Variants in TRIM24 observed in about 807,000 individuals in gnomAD.
The protein encoded by TRIM24 is transcription intermediary factor 1-alpha.
Under a neutral mutation model 123.9 loss-of-function variants are expected in TRIM24, and 29 were observed. The ratio of observed to expected loss-of-function variants is 0.23; its 90% CI spans 0.17 to 0.32. The LOEUF (loss-of-function observed/expected upper bound fraction) is 0.32. Among genes scored for constraint, TRIM24 ranks in the 10% least tolerant of loss-of-function variants. The pLI, the probability that TRIM24 is intolerant of heterozygous loss-of-function variation, is 1.00. For synonymous variants in TRIM24, 456 were observed against 461.1 expected (o/e 0.99, Z 0.14); for missense variants, 932 against 1,295.3 (o/e 0.72, Z 4.31).
rs1331025408 is a variant in TRIM24, at chr7:138,589,051, T to C, written c.*4100T>C. 6.6e-6 allele frequency: 1 copy of C among 152,248 alleles called. No individual in the cohort carries two copies. The highest frequency in any genetic ancestry group is 1.5e-5 in the Non-Finnish European group (1 of 68,068). The allele number at this position is 152,248 out of a possible 1,614,324, so 9.4% of individuals were successfully genotyped here. On this transcript the variant is annotated 3_prime_UTR_variant, in exon 19 of 19. Transcript: ENST00000343526. ...GTGACCATGCGTTCAACCATATAAT[T>C]TCTTACTGAAATTGAGCTCCTCCTT...
intron 1 of TRIM24, among the ~76,000 whole-genome samples, chr7:138,481,942 C>A (rs1052828912): frequency 6.6e-6 from 1 of 152,078 alleles, no homozygotes; most frequent in Non-Finnish European, 1.5e-5. Context: ...CACTTTCTAC[C>A]TGCTATCCAA....
intron 5 of TRIM24, among the ~76,000 whole-genome samples, chr7:138,525,602 T>C (rs899335651): frequency 2.0e-5 from 3 of 152,220 alleles, no homozygotes; most frequent in Non-Finnish European, 2.9e-5. Flanking sequence ...TGATAACTTA[T>C]TATCACTTAT....
intron 8 of TRIM24, among the ~76,000 whole-genome samples, chr7:138,551,821 T>C (rs1425327854): frequency 6.6e-6 from 1 of 152,206 alleles, no homozygotes; most frequent in Non-Finnish European, 1.5e-5. Flanking sequence ...TCTTTACAAC[T>C]ATTCAATAGG....
intron 4 of TRIM24, among the ~76,000 whole-genome samples, chr7:138,522,161 A>G (rs1421176513): frequency 7.9e-5 from 12 of 152,046 alleles, no homozygotes; most frequent in Non-Finnish European, 1.0e-4. Context: ...CAAGCAGACT[A>G]AAAAATCAGT....
At chr7:138,481,903 A>T (rs557856710) in intron 1 of TRIM24, among the ~76,000 whole-genome samples, 6 of 152,240 alleles carry the variant, frequency 3.9e-5, no homozygotes, top group African/African-American at 1.4e-4. Flanking sequence ...CAGTTGATTT[A>T]TGTGTATGGT....
chr7:138,564,017 T>G (rs1217389910), intron 9 of TRIM24, among the ~76,000 whole-genome samples: 2 of 152,186 alleles, frequency 1.3e-5, no homozygotes, highest in Non-Finnish European at 2.9e-5. Context: ...CTCCTCAGTG[T>G]TAAACAGTGT....
intron 9 of TRIM24, among the ~76,000 whole-genome samples, chr7:138,560,750 C>T (rs933051161): frequency 1.5e-4 from 23 of 152,198 alleles, no homozygotes; most frequent in African/African-American, 4.8e-4. Flanking sequence ...TTTCCACCAT[C>T]GTTCTTCAAT....
At chr7:138,509,910 A>C (rs533925349) in intron 2 of TRIM24, among the ~76,000 whole-genome samples, 1 of 152,210 alleles carries the variant, frequency 6.6e-6, no homozygotes. Context: ...ACACCTGAGA[A>C]GGAAGTGCAT....
At chr7:138,521,432 T>G (rs1455366625) in intron 4 of TRIM24, among the ~76,000 whole-genome samples, 1 of 152,144 alleles carries the variant, frequency 6.6e-6, no homozygotes, top group Non-Finnish European at 1.5e-5. Context: ...TCTTGTAATG[T>G]CTAGAGTAGT....
intron 5 of TRIM24, among the ~76,000 whole-genome samples, chr7:138,528,783 ACCC>A (rs202047925): frequency 0.027 from 2,192 of 80,492 alleles, 79 homozygotes; most frequent in African/African-American, 0.088. Flanking sequence ...GTCCACCCCC[ACCC>A]CCCCCCCCAT....
Position 138,584,934 on chromosome 7 carries a change from C to T in TRIM24, c.3136C>T (p.Arg1046Cys), listed in dbSNP as rs769470209. 22 of 1,608,856 alleles carry T rather than the reference C, an allele frequency of 1.4e-5. No individual in the cohort carries two copies. The highest frequency in any genetic ancestry group is 1.8e-5 in the Non-Finnish European group (21 of 1,178,662). Residue 1046 changes from arginine to cysteine, a missense_variant, in exon 19 of 19, where the codon CGC becomes TGC. Physicochemically the swap from Arg to Cys is radical, Grantham distance 180. Coordinates refer to ENST00000343526, the MANE Select transcript of TRIM24 (RefSeq NM_015905.3). ...GAAACGCCTCAAAAGCATTGAAGAA[C>T]GCCAGTTGCTTAAATAATATGCAGC... Reference protein sequence around the residue: ...RKKRLKSIEERQLLK With the variant: ...RKKRLKSIEECQLLK
intron 6 of TRIM24, among the ~76,000 whole-genome samples, chr7:138,537,578 C>G (rs1363526962): frequency 6.6e-6 from 1 of 151,872 alleles, no homozygotes; most frequent in Non-Finnish European, 1.5e-5. Flanking sequence ...CAACCTTCTC[C>G]AAAGTAAACA....
intron 6 of TRIM24, among the ~76,000 whole-genome samples, chr7:138,537,385 T>TTG (rs1554440764): frequency 3.5e-4 from 43 of 124,586 alleles, no homozygotes; most frequent in Non-Finnish European, 6.5e-4. Flanking sequence ...GTTTGTTTTT[T>TTG]TTTTTTTTTT....
At position 138,529,138 on chromosome 7, in the gene TRIM24, C is replaced by A; in HGVS notation, c.904C>A (p.Gln302Lys). Reference sequence around the variant, plus strand: ...CAGAATTATTGAAGTAAATCAAAATCAAAAGCAGGTGGAACAGGATATTAA... The same window carrying A: ...CAGAATTATTGAAGTAAATCAAAATAAAAAGCAGGTGGAACAGGATATTAA... Reference protein sequence around the residue: ...QNRIIEVNQNQKQVEQDIKVA... With the variant: ...QNRIIEVNQNKKQVEQDIKVA... Residue 302 changes from glutamine to lysine, a missense_variant, in exon 6 of 19, where the codon CAA becomes AAA. This residue lies in a region of TRIM24 where 527 missense variants were observed against 691.3 expected (regional missense o/e 0.76). Transcript: ENST00000343526. The A allele has an allele frequency of 1.3e-6, 2 of 1,553,088 alleles. No individual in the cohort carries two copies. The highest frequency in any genetic ancestry group is 2.5e-5 in the South Asian group (2 of 81,134).
At chr7:138,541,648 G>C (rs1797007723) in intron 7 of TRIM24, among the ~76,000 whole-genome samples, 1 of 152,204 alleles carries the variant, frequency 6.6e-6, no homozygotes, top group Non-Finnish European at 1.5e-5. Context: ...CAAGTCATCA[G>C]CTACATTAGT....
chr7:138,521,732 A>G (rs557542133), intron 4 of TRIM24, among the ~76,000 whole-genome samples: 1 of 152,358 alleles, frequency 6.6e-6, no homozygotes, highest in African/African-American at 2.4e-5. Flanking sequence ...AACTCAATGT[A>G]TAAAATACTT....
intron 1 of TRIM24, among the ~76,000 whole-genome samples, chr7:138,500,166 A>T (rs1796004974): frequency 6.6e-6 from 1 of 152,228 alleles, no homozygotes. Context: ...TAAGCCCTGC[A>T]TTATGCTTAG....
intron 7 of TRIM24, among the ~76,000 whole-genome samples, chr7:138,543,619 A>G (rs924498136): frequency 7.9e-5 from 12 of 152,142 alleles, no homozygotes; most frequent in Non-Finnish European, 2.9e-5. Context: ...TAAAAAATTT[A>G]TTTATATTTT....
chr7:138,474,422 G>T (rs1795353403), intron 1 of TRIM24, among the ~76,000 whole-genome samples: 1 of 152,116 alleles, frequency 6.6e-6, no homozygotes, highest in Admixed American at 6.6e-5. Flanking sequence ...ACCGCGCCCG[G>T]CCTATCTTGT....
Sources: allele counts gnomAD v4.1 joint callset (sites outside exome capture counted in the v4.1 genomes callset), GRCh38; gene constraint gnomAD v4.1.1; regional missense constraint gnomAD v4.1.1; transcripts MANE v1.5; gene names NCBI Gene and HGNC (gene_info 2026-07-23, HGNC 2026-07-21).